The following RELN variants were observed in gnomAD, a reference collection of about 807,000 sequenced individuals.
RELN encodes reelin.
Under a neutral mutation model 427.6 loss-of-function variants are expected in RELN, and 108 were observed. The ratio of observed to expected loss-of-function variants is 0.25; its 90% CI spans 0.22 to 0.30. RELN has a LOEUF of 0.30. Ranked by LOEUF, RELN falls within the 10% of genes least tolerant of loss-of-function variation. The pLI is 1.00. For missense variants in RELN, 3,715 were observed against 4,302.8 expected (o/e 0.86, Z 3.82); for synonymous variants, 1,524 against 1,513.4 (o/e 1.01, Z -0.16).
chr7:103,699,767 G>A (rs1377755530), intron 9 of RELN, among the ~76,000 whole-genome samples: 1 of 151,892 alleles, frequency 6.6e-6, no homozygotes, highest in South Asian at 2.1e-4. Context: ...TAACTACTAG[G>A]AATTACAAAG....
At chr7:103,745,289 A>T (rs1445759659) in intron 6 of RELN, among the ~76,000 whole-genome samples, 2 of 152,080 alleles carry the variant, frequency 1.3e-5, no homozygotes, top group Non-Finnish European at 2.9e-5. Context: ...GCTATCTATG[A>T]CAAACCCACA....
intron 11 of RELN, among the ~76,000 whole-genome samples, chr7:103,680,388 T>C (rs1833626757): frequency 6.6e-6 from 1 of 152,048 alleles, no homozygotes; most frequent in Admixed American, 6.6e-5. Context: ...ATCCCTGATA[T>C]ATGGATGGAA....
At chr7:103,678,718 A>G (rs564834421) in intron 11 of RELN, among the ~76,000 whole-genome samples, 28 of 152,348 alleles carry the variant, frequency 1.8e-4, no homozygotes, top group African/African-American at 6.7e-4. Flanking sequence ...TACATAACAA[A>G]AACATTGCTA....
chr7:103,838,666 A>C (rs1030727056), intron 2 of RELN, among the ~76,000 whole-genome samples: 11 of 152,192 alleles, frequency 7.2e-5, no homozygotes, highest in African/African-American at 2.7e-4. Flanking sequence ...GCCTGGCCAA[A>C]AAGGAAAACA....
At chr7:103,880,182 C>T (rs1794573959) in intron 2 of RELN, among the ~76,000 whole-genome samples, 2 of 151,680 alleles carry the variant, frequency 1.3e-5, no homozygotes, top group African/African-American at 4.8e-5. Flanking sequence ...ATGTTAACAT[C>T]CACCATCACA....
chr7:103,604,569 A>G (rs1334436302), intron 22 of RELN, 86 bp from the exon 23 acceptor site: 1 of 1,403,450 alleles, frequency 7.1e-7, no homozygotes, highest in Non-Finnish European at 1.0e-6. Flanking sequence ...AAAATCTTTC[A>G]GCTAACTAAC....
In RELN at chr7:103,593,768, C is replaced by T; in HGVS notation, c.3826G>A (p.Ala1276Thr). 6.2e-7 allele frequency: 1 copy of T among 1,614,006 alleles called. No individual in the cohort carries two copies. The highest frequency in any genetic ancestry group is 8.5e-7 in the Non-Finnish European group (1 of 1,179,920). ...NETFCAATPS[A>T]MIFGKSDGDR... Reference sequence around the variant, plus strand: ...CCATCTGATTTTCCAAATATCATTGCTGATGGTGTGGCAGCACAGAAGGTT... The same window carrying T: ...CCATCTGATTTTCCAAATATCATTGTTGATGGTGTGGCAGCACAGAAGGTT... Residue 1276 changes from alanine to threonine, a missense_variant, in exon 27 of 65, where the codon GCA (alanine) becomes ACA (threonine). Ala to Thr is a moderately conservative substitution (Grantham distance 58, BLOSUM62 0). This residue lies in a region of RELN where 2,208 missense variants were observed against 2,361.7 expected (regional missense o/e 0.93). Coordinates refer to ENST00000428762, the MANE Select transcript of RELN (RefSeq NM_005045.4).
Position 103,542,719 on chromosome 7 carries a change from A to G in RELN, c.6671+12T>C, listed in dbSNP as rs1422216153. 6.2e-7 allele frequency: 1 copy of G among 1,613,896 alleles called. No homozygotes were observed. Among genetic ancestry groups the G allele is most frequent in the East Asian group, 2.2e-5 (1 of 44,852 alleles). On this transcript the variant is annotated intron_variant, in intron 43 of 64. Transcript: ENST00000428762. The stretch of plus-strand genomic sequence containing the variant: ...GATGTGGTTTTTTTCAACAGCATCT[A>G]AAAATGATTACCTAGCATGTGATAA...
At chr7:103,911,876 G>A (rs866044681) in intron 2 of RELN, among the ~76,000 whole-genome samples, 51 of 141,706 alleles carry the variant, frequency 3.6e-4, no homozygotes, top group African/African-American at 1.3e-3. Flanking sequence ...AGGGGGGAGA[G>A]ATAGCATTGG....
Position 103,953,464 on chromosome 7 carries a change from T to C in RELN, c.226+35667A>G, listed in dbSNP as rs1324166421. Among the ~76,000 whole-genome samples, 1 of 152,218 alleles carries C rather than the reference T, an allele frequency of 6.6e-6. No individual in the cohort carries two copies. The highest frequency in any genetic ancestry group is 1.5e-5 in the Non-Finnish European group (1 of 68,040). On this transcript the variant is annotated intron_variant, in intron 1 of 64. Transcript: ENST00000428762. The surrounding 1 kb of genome is among the most constrained non-coding windows in gnomAD (Gnocchi z 4.3). Reference sequence around the variant, plus strand: ...CATTGAAAGCAGTTCTAATGTGCTCTTGACAAATCACATTTTGGCAGTGCT... The same window carrying C: ...CATTGAAAGCAGTTCTAATGTGCTCCTGACAAATCACATTTTGGCAGTGCT...
rs537635471 is a variant in RELN at position 103,520,854 on chromosome 7, C to T, written c.7668+1168G>A. Reference sequence around the variant, plus strand: ...CTACATGCTATATGCCTTCTTGCTACTCGAGCTAAAATGTTGAATATAAAT... The same window carrying T: ...CTACATGCTATATGCCTTCTTGCTATTCGAGCTAAAATGTTGAATATAAAT... On this transcript the variant is annotated intron_variant, in intron 48 of 64. Coordinates refer to ENST00000428762, the MANE Select transcript of RELN (RefSeq NM_005045.4). Among the ~76,000 whole-genome samples the T allele has an allele frequency of 2.0e-5, 3 of 150,296 alleles. No homozygotes were observed. In the South Asian group the frequency reaches 6.3e-4, roughly 31 times the overall value.
intron 6 of RELN, among the ~76,000 whole-genome samples, chr7:103,735,528 T>C (rs975860197): frequency 6.6e-6 from 1 of 151,996 alleles, no homozygotes; most frequent in Non-Finnish European, 1.5e-5. Context: ...AATGAGAAAA[T>C]TGAGCTCCTT....
chr7:103,786,517 C>CAAAAAAAAAAAAAAA (rs66567252), intron 3 of RELN, among the ~76,000 whole-genome samples: 1 of 98,590 alleles, frequency 1.0e-5, no homozygotes, highest in Non-Finnish European at 2.0e-5. Flanking sequence ...AAAATGGAAC[C>CAAAAAAAAAAAAAAA]AAAAAAAAAA....
At chr7:103,588,250 A>G (rs1301852258) in intron 28 of RELN, among the ~76,000 whole-genome samples, 1 of 152,222 alleles carries the variant, frequency 6.6e-6, no homozygotes, top group Non-Finnish European at 1.5e-5. Context: ...CCATTATTTC[A>G]TGTGAAATAA....
intron 2 of RELN, among the ~76,000 whole-genome samples, chr7:103,881,879 C>A (rs1186784609): frequency 6.6e-6 from 1 of 152,110 alleles, no homozygotes; most frequent in Admixed American, 6.6e-5. Context: ...CAAAACACCC[C>A]CAAGCCCACT....
At chr7:103,862,512 C>CCCA (rs1794097265) in intron 2 of RELN, among the ~76,000 whole-genome samples, 1 of 151,804 alleles carries the variant, frequency 6.6e-6, no homozygotes, top group Non-Finnish European at 1.5e-5. Flanking sequence ...CCATGTTCTT[C>CCCA]CCACCCCTGT....
Position 103,864,826 on chromosome 7 carries a change from G to A in RELN, c.338-31154C>T, listed in dbSNP as rs183853847. ...CTTAGCCAGACTAAGAAAAAGAGAA[G>A]GTTAAAAAAAATTGGAAATGAAAGA... On this transcript the variant is annotated intron_variant, in intron 2 of 64. Transcript: ENST00000428762. Among the ~76,000 whole-genome samples, 450 of 151,484 alleles carry A rather than the reference G, an allele frequency of 3.0e-3. 2 individuals carry two copies. The South Asian group carries it at 0.031, about 10-fold the overall frequency.
chr7:103,497,841 A>G lies in RELN; in HGVS notation c.8929T>C (p.Leu2977=), dbSNP rs766761044. Residue 2977 remains leucine (L), a synonymous_variant, in exon 55 of 65, where the codon TTG becomes CTG. Transcript: ENST00000428762. The part of the protein sequence containing the change: ...RPICRKEGVL[L]DYSTDGGITW... The stretch of plus-strand genomic sequence containing the variant: ...ATGCCTCCATCGGTAGAGTAGTCCA[A>G]CAGCACGCCTTCCTTCCGGCAGATG... 5 of 1,614,166 alleles carry G rather than the reference A, an allele frequency of 3.1e-6. No homozygotes were observed. In the South Asian group the frequency reaches 5.5e-5, roughly 18 times the overall value.
chr7:103,791,836 A>G (rs999666761), intron 3 of RELN, among the ~76,000 whole-genome samples: 1 of 152,218 alleles, frequency 6.6e-6, no homozygotes, highest in African/African-American at 2.4e-5. Context: ...TATATCTGAT[A>G]AAGAAATAGT....
Sources: allele counts gnomAD v4.1 joint callset (sites outside exome capture counted in the v4.1 genomes callset), GRCh38; gene constraint gnomAD v4.1.1; regional missense constraint gnomAD v4.1.1; non-coding constraint Gnocchi (gnomAD v3.1); transcripts MANE v1.5; gene names NCBI Gene and HGNC (gene_info 2026-07-23, HGNC 2026-07-21).